The following C2CD3 variants were observed in gnomAD, a reference collection of about 807,000 sequenced individuals.
C2CD3 encodes C2 domain containing 3 centriole elongation regulator.
C2CD3 carries 148 observed loss-of-function variants against 234.0 expected under a neutral mutation model. The ratio of observed to expected loss-of-function variants is 0.63; its 90% confidence interval spans 0.55 to 0.72. The LOEUF is 0.72. C2CD3 is among the 30% of genes least tolerant of loss of function. C2CD3 has a pLI of 0.00. For synonymous variants in C2CD3, 1,000 were observed against 1,035.4 expected, an observed-to-expected ratio of 0.97 and a Z score of 0.66; for missense variants, 2,577 against 2,811.5, an observed-to-expected ratio of 0.92 and a Z score of 1.89.
intron 30 of C2CD3, chr11:74,034,569 T>C: frequency 1.2e-6 from 2 of 1,613,972 alleles, no homozygotes; most frequent in Non-Finnish European, 1.7e-6. Context: ...CTGGGAGTCC[T>C]GGTGGGCATG....
intron 11 of C2CD3, among the ~76,000 whole-genome samples, chr11:74,110,796 C>T (rs1350566088): frequency 6.6e-6 from 1 of 152,084 alleles, no homozygotes; most frequent in African/African-American, 2.4e-5. Context: ...CTAACAGTGT[C>T]CCAGAGAAGA....
chr11:74,146,597 G>A (rs1272541302), intron 3 of C2CD3, among the ~76,000 whole-genome samples: 3 of 152,020 alleles, frequency 2.0e-5, no homozygotes, highest in African/African-American at 7.2e-5. Flanking sequence ...GGTCTTTGTT[G>A]ACAATAAACT....
intron 22 of C2CD3, among the ~76,000 whole-genome samples, chr11:74,084,242 A>G (rs1955531590): frequency 6.6e-6 from 1 of 152,106 alleles, no homozygotes; most frequent in Non-Finnish European, 1.5e-5. Flanking sequence ...GAACTGAACA[A>G]TGAGAACACT....
chr11:74,127,650 T>C (rs113488189), intron 7 of C2CD3, among the ~76,000 whole-genome samples: 5 of 152,324 alleles, frequency 3.3e-5, no homozygotes, highest in African/African-American at 1.2e-4. Context: ...TTCTGTCATA[T>C]GGTAAATCTA....
intron 22 of C2CD3, among the ~76,000 whole-genome samples, chr11:74,083,122 C>T (rs2135472177): frequency 6.6e-6 from 1 of 152,224 alleles, no homozygotes; most frequent in South Asian, 2.1e-4. Context: ...GAACAGAGGC[C>T]TCAGAAATAA....
intron 9 of C2CD3, among the ~76,000 whole-genome samples, chr11:74,116,299 CA>C (rs1239930974): frequency 4.6e-5 from 7 of 151,858 alleles, no homozygotes; most frequent in Non-Finnish European, 1.5e-5. Context: ...ACAATCCCAT[CA>C]AAAAGTGGTC....
rs1312740356 is a variant in C2CD3, at chr11:74,048,380, A to T, written c.5362-42T>A. 3.1e-6 allele frequency: 5 copies of T among 1,601,488 alleles called. No individual in the cohort carries two copies. The African/African-American group carries it at 6.7e-5, about 22-fold the overall frequency. On this transcript the variant is annotated intron_variant, in intron 27 of 32. Coordinates refer to ENST00000334126, the MANE Select transcript of C2CD3 (RefSeq NM_001286577.2). The stretch of plus-strand genomic sequence containing the variant: ...AAAAATGGTACACTTGTCACCATAA[A>T]CCCATTCGTAACAAAGCAGTATATA...
chr11:74,150,503 AAAAAAAAAAAAACAAAAAAAAAAC>A (rs1351647823), intron 3 of C2CD3, among the ~76,000 whole-genome samples: 5 of 109,254 alleles, frequency 4.6e-5, no homozygotes, highest in Non-Finnish European at 3.8e-5. Flanking sequence ...AAAAAAAAAA[AAAAAAAAAAAAACAAAAAAAAAAC>A]AAAACAAATT....
chr11:74,131,112 C>A (rs1192468759), intron 7 of C2CD3, among the ~76,000 whole-genome samples: 1 of 151,644 alleles, frequency 6.6e-6, no homozygotes, highest in Non-Finnish European at 1.5e-5. Flanking sequence ...TCATGACTGG[C>A]TGTTTTTCTG....
chr11:74,048,958 T>A (rs1403852281), intron 27 of C2CD3, among the ~76,000 whole-genome samples: 5 of 152,382 alleles, frequency 3.3e-5, no homozygotes, highest in South Asian at 2.1e-4. Flanking sequence ...CCCCTCTTCA[T>A]ATTCTTTCAA....
intron 28 of C2CD3, among the ~76,000 whole-genome samples, chr11:74,047,787 G>C (rs1042913067): frequency 6.6e-6 from 1 of 152,212 alleles, no homozygotes; most frequent in Non-Finnish European, 1.5e-5. Flanking sequence ...GTATAGGATG[G>C]AACATGCTCT....
intron 9 of C2CD3, among the ~76,000 whole-genome samples, 168 bp downstream of exon 9, chr11:74,118,060 T>C (rs550890854): frequency 6.6e-6 from 1 of 152,264 alleles, no homozygotes; most frequent in South Asian, 2.1e-4. Context: ...AAAACAAATT[T>C]AGCCATCTTT....
At chr11:74,040,273 A>AC (rs1360902428) in intron 29 of C2CD3, among the ~76,000 whole-genome samples, 3 of 151,854 alleles carry the variant, frequency 2.0e-5, no homozygotes, top group Admixed American at 1.3e-4. Flanking sequence ...TCTGGAAACC[A>AC]CCCCCCACCC....
chr11:74,105,134 C>T lies in C2CD3; in HGVS notation c.2085+1237G>A, dbSNP rs144725434. Among the ~76,000 whole-genome samples, 420 of 152,184 alleles carry T rather than the reference C, an allele frequency of 2.8e-3. 4 individuals are homozygous for T. Among genetic ancestry groups the T allele is most frequent in the African/African-American group, 9.6e-3 (400 of 41,514 alleles). Reference sequence around the variant, plus strand: ...AGCATGATACCTTACTGACTCTTTACGTAGAGTGACATAGTTATTGGTAGA... The same window carrying T: ...AGCATGATACCTTACTGACTCTTTATGTAGAGTGACATAGTTATTGGTAGA... On this transcript the variant is annotated intron_variant, in intron 13 of 32. Transcript: ENST00000334126.
chr11:74,015,661 C>T (rs922329767), intron 32 of C2CD3, among the ~76,000 whole-genome samples: 3 of 152,144 alleles, frequency 2.0e-5, no homozygotes, highest in African/African-American at 7.2e-5. Context: ...TAAAACCAGG[C>T]ATTTGTTTCC....
intron 24 of C2CD3, among the ~76,000 whole-genome samples, chr11:74,059,155 T>C (rs1174995406): frequency 6.6e-6 from 1 of 151,978 alleles, no homozygotes; most frequent in Non-Finnish European, 1.5e-5. Context: ...GGGAACAGAT[T>C]CTGTATGTGT....
chr11:74,138,936 G>T lies in C2CD3; in HGVS notation c.739C>A (p.Pro247Thr). 1 of 1,612,198 alleles carries T rather than the reference G, an allele frequency of 6.2e-7. No individual in the cohort carries two copies. Among genetic ancestry groups the T allele is most frequent in the Non-Finnish European group, 8.5e-7 (1 of 1,178,412 alleles). Residue 247 changes from proline (P) to threonine (T), a missense_variant, in exon 5 of 33, where the codon CCT becomes ACT. Transcript: ENST00000334126. ...AAGGAAGAATCCTTTATTGTATCAG[G>T]GTTCTCTGCAAAGCATACATGGTCT... ...GKDHVCFAENPDTIKDSSFGL... is the reference protein window; with the variant it reads ...GKDHVCFAENTDTIKDSSFGL...
chr11:74,052,797 G>A (rs1348619821), intron 26 of C2CD3, among the ~76,000 whole-genome samples: 2 of 152,210 alleles, frequency 1.3e-5, no homozygotes, highest in African/African-American at 4.8e-5. Context: ...AGCACAGGCA[G>A]AGAGAAAGGT....
intron 2 of C2CD3, chr11:74,164,914 T>C (rs1427682644): frequency 6.6e-6 from 1 of 151,946 alleles, no homozygotes; most frequent in Non-Finnish European, 1.5e-5. Context: ...CCACAAAAAA[T>C]ACAAAAATTA....
Sources: allele counts gnomAD v4.1 joint callset (sites outside exome capture counted in the v4.1 genomes callset), GRCh38; gene constraint gnomAD v4.1.1; transcripts MANE v1.5; gene names NCBI Gene and HGNC (gene_info 2026-07-23, HGNC 2026-07-21).